ROBO2: variants seen among roughly 807,000 people sequenced by gnomAD.
ROBO2 encodes roundabout guidance receptor 2, also known as roundabout homolog 2.
ROBO2 carries 53 observed loss-of-function variants against 160.8 expected under a neutral mutation model. That is an observed-to-expected ratio of 0.33 (90% CI 0.26 to 0.41). ROBO2 has a LOEUF of 0.41. ROBO2 is among the 10% of genes least tolerant of loss of function. ROBO2 has a pLI of 1.00. For synonymous variants in ROBO2, 664 were observed against 611.7 expected (o/e 1.09, Z -1.26); for missense variants, 1,577 against 1,722.4 (o/e 0.92, Z 1.49).
intron 2 of ROBO2, among the ~76,000 whole-genome samples, chr3:76,644,915 G>GA (rs2090892049): frequency 6.6e-6 from 1 of 152,174 alleles, no homozygotes; most frequent in Non-Finnish European, 1.5e-5. Context: ...ACAACCCTAT[G>GA]AAATGGGCAC....
chr3:76,372,664 T>C (rs2076161661), intron 2 of ROBO2, among the ~76,000 whole-genome samples: 1 of 151,864 alleles, frequency 6.6e-6, no homozygotes. Context: ...ATCCTGTATT[T>C]ACAGATTGTC....
At chr3:76,714,833 G>T (rs774793439) in intron 2 of ROBO2, among the ~76,000 whole-genome samples, 1 of 152,082 alleles carries the variant, frequency 6.6e-6, no homozygotes, top group Non-Finnish European at 1.5e-5. Flanking sequence ...AGAGACTTAC[G>T]GTTCTGCCAC....
At chr3:77,085,825 C>T (rs984856456) in intron 1 of ROBO2, among the ~76,000 whole-genome samples, 2 of 151,940 alleles carry the variant, frequency 1.3e-5, no homozygotes, top group African/African-American at 4.8e-5. Context: ...AAAGTTATTG[C>T]TTTAAAAGGA....
At chr3:76,449,551 A>G (rs896837020) in intron 2 of ROBO2, among the ~76,000 whole-genome samples, 4 of 152,106 alleles carry the variant, frequency 2.6e-5, no homozygotes, top group African/African-American at 9.7e-5. Context: ...AGTTTGAAGG[A>G]TTTCCTAGAG....
At chr3:76,863,600 G>C (rs546191451) in intron 2 of ROBO2, among the ~76,000 whole-genome samples, 23 of 152,040 alleles carry the variant, frequency 1.5e-4, no homozygotes, top group African/African-American at 5.5e-4. Context: ...AGTAAAATTT[G>C]ATTTATCTGT....
intron 2 of ROBO2, among the ~76,000 whole-genome samples, chr3:76,135,772 C>A (rs1265429985): frequency 6.6e-6 from 1 of 152,104 alleles, no homozygotes; most frequent in African/African-American, 2.4e-5. Flanking sequence ...ATGCGCAATT[C>A]CCATTTTGTA....
intron 6 of ROBO2, among the ~76,000 whole-genome samples, chr3:77,526,236 C>T (rs138562904): frequency 2.0e-3 from 306 of 151,560 alleles, no homozygotes; most frequent in Non-Finnish European, 3.6e-3. Context: ...AAGACCATGG[C>T]TCTCATAGAG....
At chr3:76,083,436 C>T (rs1240493936) in intron 2 of ROBO2, among the ~76,000 whole-genome samples, 2 of 152,112 alleles carry the variant, frequency 1.3e-5, no homozygotes, top group East Asian at 3.9e-4. Context: ...AGATTGACCA[C>T]TGTTCATCAT....
intron 1 of ROBO2, among the ~76,000 whole-genome samples, chr3:77,058,634 G>A (rs1294623682): frequency 6.6e-6 from 1 of 151,992 alleles, no homozygotes; most frequent in Non-Finnish European, 1.5e-5. Flanking sequence ...CTGGGCTCAG[G>A]TGGTCCTCTC....
chr3:76,706,627 T>G (rs2093168234), intron 2 of ROBO2, among the ~76,000 whole-genome samples: 1 of 152,070 alleles, frequency 6.6e-6, no homozygotes, highest in African/African-American at 2.4e-5. Flanking sequence ...AACTTTGCCT[T>G]TCTATGGGGA....
chr3:77,430,537 C>G (rs1202561341), intron 2 of ROBO2, among the ~76,000 whole-genome samples: 1 of 152,026 alleles, frequency 6.6e-6, no homozygotes, highest in Non-Finnish European at 1.5e-5. Flanking sequence ...TGTTTTCCCT[C>G]AAAATTCTTA....
chr3:77,596,157 C>T (rs1008524287), intron 18 of ROBO2, among the ~76,000 whole-genome samples: 4 of 152,118 alleles, frequency 2.6e-5, no homozygotes, highest in Non-Finnish European at 5.9e-5. Context: ...AATTTCACTT[C>T]AGTTCCTTGC....
chr3:76,872,790 A>G (rs1407404540), intron 2 of ROBO2, among the ~76,000 whole-genome samples: 2 of 151,938 alleles, frequency 1.3e-5, no homozygotes, highest in Non-Finnish European at 2.9e-5. Context: ...TATTATTAAG[A>G]CTTTATACAC....
At chr3:76,042,027 TAAAA>T (rs36067726) in intron 2 of ROBO2, among the ~76,000 whole-genome samples, 4 of 142,974 alleles carry the variant, frequency 2.8e-5, no homozygotes, top group Non-Finnish European at 3.0e-5. Context: ...AGAGAGAGGT[TAAAA>T]AAAAAAAAAA....
intron 2 of ROBO2, among the ~76,000 whole-genome samples, chr3:76,949,407 G>T (rs1278119208): frequency 3.9e-5 from 6 of 152,164 alleles, no homozygotes; most frequent in Admixed American, 6.5e-5. Flanking sequence ...CCTGACTGAA[G>T]CAGGAAAAGT....
At chr3:76,646,988 G>A (rs1398817243) in intron 2 of ROBO2, among the ~76,000 whole-genome samples, 2 of 152,086 alleles carry the variant, frequency 1.3e-5, no homozygotes, top group African/African-American at 2.4e-5. Context: ...TTAGAAGCCT[G>A]GAAATGTTAG....
intron 2 of ROBO2, among the ~76,000 whole-genome samples, chr3:77,309,877 T>C (rs2063397398): frequency 6.6e-6 from 1 of 152,208 alleles, no homozygotes; most frequent in African/African-American, 2.4e-5. Flanking sequence ...ACAGCAACAG[T>C]AAGGCTTAAA....
chr3:76,368,443 C>G (rs1434166174), intron 2 of ROBO2, among the ~76,000 whole-genome samples: 1 of 151,842 alleles, frequency 6.6e-6, no homozygotes, highest in Non-Finnish European at 1.5e-5. Flanking sequence ...TGTTCAGCAG[C>G]CTCAAGAAAT....
intron 2 of ROBO2, among the ~76,000 whole-genome samples, chr3:77,114,907 T>C (rs2074049080): frequency 6.6e-6 from 1 of 152,178 alleles, no homozygotes; most frequent in Admixed American, 6.5e-5. Context: ...CAGTCATATA[T>C]TAAACCAACA....
Sources: gnomAD v4.1 joint callset for allele counts (sites outside exome capture counted in the v4.1 genomes callset) on GRCh38, gnomAD v4.1.1 for gene constraint, MANE v1.5 for transcripts, NCBI Gene and HGNC (gene_info 2026-07-23, HGNC 2026-07-21) for gene names.